Variants in RBFOX1 observed in about 807,000 individuals in gnomAD.
The protein encoded by RBFOX1 is RNA binding fox-1 homolog 1, also known as RNA binding protein fox-1 homolog 1.
Under a neutral mutation model 57.7 loss-of-function variants are expected in RBFOX1, and 8 were observed. The observed-to-expected ratio is 0.14, with a 90% CI of 0.08 to 0.25. RBFOX1 has a LOEUF of 0.25. RBFOX1 is among the 10% of genes least tolerant of loss of function. The pLI is 1.00. For missense variants in RBFOX1, 611 were observed against 548.5 expected (o/e 1.11, Z -1.14); for synonymous variants, 326 against 222.4 (o/e 1.47, Z -4.15).
At chr16:7,013,765 CTCTTA>C (rs923659005) in intron 3 of RBFOX1, among the ~76,000 whole-genome samples, 6 of 151,934 alleles carry the variant, frequency 3.9e-5, no homozygotes, top group East Asian at 1.9e-4. Flanking sequence ...TCAAGCAATC[CTCTTA>C]TCTTAGCCTC....
intron 3 of RBFOX1, among the ~76,000 whole-genome samples, chr16:6,880,051 T>C (rs570571779): frequency 6.6e-6 from 1 of 152,324 alleles, no homozygotes; most frequent in African/African-American, 2.4e-5. Flanking sequence ...TGCAAGTAAA[T>C]TTTCCTCCAG....
intron 3 of RBFOX1, among the ~76,000 whole-genome samples, chr16:6,949,622 T>C (rs2080280412): frequency 6.6e-6 from 1 of 152,106 alleles, no homozygotes; most frequent in Non-Finnish European, 1.5e-5. Context: ...CTCTTTCTCT[T>C]TTTCTAAAAA....
intron 3 of RBFOX1, among the ~76,000 whole-genome samples, chr16:5,817,428 C>G (rs182535426): frequency 1.3e-5 from 2 of 152,078 alleles, no homozygotes; most frequent in African/African-American, 2.4e-5. Context: ...GTGCTTGGCA[C>G]AGTGTAGGTA....
chr16:6,971,399 G>A (rs1351428399), intron 3 of RBFOX1, among the ~76,000 whole-genome samples: 1 of 152,000 alleles, frequency 6.6e-6, no homozygotes, highest in Non-Finnish European at 1.5e-5. Flanking sequence ...TGCTTGTTTG[G>A]GGAGCAGAAA....
intron 4 of RBFOX1, among the ~76,000 whole-genome samples, chr16:5,909,392 C>T (rs1299626813): frequency 6.6e-6 from 1 of 152,026 alleles, no homozygotes; most frequent in Non-Finnish European, 1.5e-5. Flanking sequence ...GTGCCCGGCC[C>T]AAGCCCTTTC....
chr16:7,365,087 A>G (rs892628388), intron 4 of RBFOX1, among the ~76,000 whole-genome samples: 2 of 152,112 alleles, frequency 1.3e-5, no homozygotes, highest in African/African-American at 4.8e-5. Context: ...CTATCTATCT[A>G]TCCATCCATC....
chr16:5,810,355 T>C (rs2055377361), intron 3 of RBFOX1, among the ~76,000 whole-genome samples: 1 of 152,110 alleles, frequency 6.6e-6, no homozygotes, highest in Admixed American at 6.5e-5. Flanking sequence ...AAGAATAAGG[T>C]GGTGTCAACA....
At chr16:5,808,713 C>G (rs1342288706) in intron 3 of RBFOX1, among the ~76,000 whole-genome samples, 1 of 152,056 alleles carries the variant, frequency 6.6e-6, no homozygotes, top group Non-Finnish European at 1.5e-5. Context: ...TGATTTGGCT[C>G]TCTGTTTGTC....
chr16:7,344,961 C>G (rs1335483408), intron 4 of RBFOX1, among the ~76,000 whole-genome samples: 2 of 151,676 alleles, frequency 1.3e-5, no homozygotes, highest in Non-Finnish European at 2.9e-5. Flanking sequence ...TCACAGCGGG[C>G]TGTCAGGAGG....
At chr16:6,399,341 CCTT>C (rs1567193982) in intron 2 of RBFOX1, among the ~76,000 whole-genome samples, 1 of 152,172 alleles carries the variant, frequency 6.6e-6, no homozygotes, top group East Asian at 1.9e-4. Context: ...ACATTCAGCT[CCTT>C]GTTACTTATG....
At chr16:6,945,673 C>T (rs1199028856) in intron 3 of RBFOX1, among the ~76,000 whole-genome samples, 2 of 151,940 alleles carry the variant, frequency 1.3e-5, no homozygotes, top group Non-Finnish European at 2.9e-5. Flanking sequence ...GGTGGATTAC[C>T]TGAGGTCAGG....
chr16:7,328,980 G>C (rs985907136), intron 4 of RBFOX1, among the ~76,000 whole-genome samples: 5 of 152,106 alleles, frequency 3.3e-5, no homozygotes, highest in Non-Finnish European at 7.4e-5. Flanking sequence ...TTTAAAAAAA[G>C]AATAATATTT....
chr16:7,559,141 G>C (rs1567823870), intron 5 of RBFOX1, among the ~76,000 whole-genome samples: 1 of 152,184 alleles, frequency 6.6e-6, no homozygotes, highest in African/African-American at 2.4e-5. Flanking sequence ...AAATGTCAGA[G>C]AAAGCTGCAG....
At chr16:5,679,924 A>T (rs1422559458) in intron 3 of RBFOX1, among the ~76,000 whole-genome samples, 1 of 152,174 alleles carries the variant, frequency 6.6e-6, no homozygotes, top group African/African-American at 2.4e-5. Flanking sequence ...TCTGTGTTCT[A>T]TTCATGCTTC....
chr16:7,247,720 T>G (rs1292634311), intron 4 of RBFOX1, among the ~76,000 whole-genome samples: 2 of 152,246 alleles, frequency 1.3e-5, no homozygotes, highest in East Asian at 3.9e-4. Flanking sequence ...ATAGCCTCTT[T>G]AAATCCAGGT....
At chr16:7,069,567 C>G (rs1293506948) in intron 4 of RBFOX1, among the ~76,000 whole-genome samples, 2 of 152,178 alleles carry the variant, frequency 1.3e-5, no homozygotes, top group African/African-American at 2.4e-5. Context: ...GGCTATTTTT[C>G]TGGCTATGGG....
chr16:7,491,735 A>G (rs543250222), intron 4 of RBFOX1, among the ~76,000 whole-genome samples: 7 of 152,212 alleles, frequency 4.6e-5, no homozygotes, highest in Admixed American at 3.9e-4. Flanking sequence ...GGCTCAAGCA[A>G]TCCTCCTGCT....
chr16:6,423,234 C>T (rs765163185), intron 2 of RBFOX1, among the ~76,000 whole-genome samples: 2 of 152,130 alleles, frequency 1.3e-5, no homozygotes, highest in Non-Finnish European at 2.9e-5. Context: ...ACATTTTGTT[C>T]GGCCTTCCGC....
intron 3 of RBFOX1, among the ~76,000 whole-genome samples, chr16:6,946,935 G>T (rs1033047685): frequency 1.3e-5 from 2 of 152,100 alleles, no homozygotes; most frequent in East Asian, 3.9e-4. Context: ...GTTGTTATTT[G>T]GCTTTATGTT....
Sources: allele counts gnomAD v4.1 joint callset (sites outside exome capture counted in the v4.1 genomes callset), GRCh38; gene constraint gnomAD v4.1.1; transcripts MANE v1.5; gene names NCBI Gene and HGNC (gene_info 2026-07-23, HGNC 2026-07-21).